Variants in INPP4B observed in about 807,000 individuals in gnomAD.
INPP4B encodes the protein inositol polyphosphate 4-phosphatase type II.
INPP4B carries 55 observed loss-of-function variants against 122.5 expected under a neutral mutation model. That is an observed-to-expected ratio of 0.45 (90% CI 0.36 to 0.56). The LOEUF (loss-of-function observed/expected upper bound fraction) is 0.56, where lower values mean the gene tolerates loss of function less well. Ranked by LOEUF, INPP4B falls within the 20% of genes least tolerant of loss-of-function variation. The pLI is 0.00. For missense variants in INPP4B, 1,000 were observed against 1,097.7 expected (o/e 0.91, Z 1.26); for synonymous variants, 403 against 388.7 (o/e 1.04, Z -0.43).
chr4:142,443,113 C>T (rs879302314), intron 3 of INPP4B, among the ~76,000 whole-genome samples: 34 of 152,100 alleles, frequency 2.2e-4, no homozygotes, highest in Middle Eastern at 3.2e-3. Flanking sequence ...GGGATACAAC[C>T]AAACCATATC....
intron 2 of INPP4B, among the ~76,000 whole-genome samples, chr4:142,567,415 C>T (rs1731855987): frequency 6.6e-6 from 1 of 152,098 alleles, no homozygotes; most frequent in Admixed American, 6.6e-5. Context: ...GTAGTTCCCT[C>T]CCAGTGGGTG....
intron 2 of INPP4B, chr4:142,654,538 A>C (rs545483483): frequency 6.6e-6 from 1 of 152,256 alleles, no homozygotes; most frequent in South Asian, 2.1e-4. Context: ...CTGTGGATCT[A>C]ATTCTGCTAT....
At chr4:142,131,725 G>C (rs1002551605) in intron 18 of INPP4B, among the ~76,000 whole-genome samples, 1 of 152,212 alleles carries the variant, frequency 6.6e-6, no homozygotes, top group Non-Finnish European at 1.5e-5. Flanking sequence ...GGAGGCCAAG[G>C]CAGGCGGATC....
chr4:142,439,897 A>G (rs1811319981), intron 3 of INPP4B, among the ~76,000 whole-genome samples: 1 of 152,216 alleles, frequency 6.6e-6, no homozygotes, highest in African/African-American at 2.4e-5. Flanking sequence ...CACCTCATCC[A>G]TGATGACTTC....
intron 25 of INPP4B, among the ~76,000 whole-genome samples, chr4:142,048,894 A>G (rs1220179062): frequency 1.3e-5 from 2 of 152,098 alleles, no homozygotes; most frequent in African/African-American, 4.8e-5. Flanking sequence ...CAAATAAAAT[A>G]GGACCAGGGT....
intron 5 of INPP4B, among the ~76,000 whole-genome samples, chr4:142,409,828 A>G (rs1804232433): frequency 6.6e-6 from 1 of 152,164 alleles, no homozygotes. Flanking sequence ...GAAATTGCCA[A>G]ATTCTAGTCT....
Position 142,123,337 on chromosome 4 carries a change from T to C in INPP4B, c.1972A>G (p.Thr658Ala), listed in dbSNP as rs751424546. ...TCATATTGTACTATCAACCCCACTG[T>C]GTGAAGCTGCTGTAGGAAGCCTGGG... ...YDPGFLQQLH[T>A]VGLIVQYEGL... is the part of the protein sequence containing the mutation. The change falls in exon 20 of 26, where the codon ACA becomes GCA. Residue 658 changes from threonine (T) to alanine (A), a missense_variant. Coordinates refer to ENST00000262992, the MANE Select transcript of INPP4B (RefSeq NM_001101669.3). 1.9e-6 allele frequency: 3 copies of C among 1,612,952 alleles called. No homozygotes were observed. Among genetic ancestry groups the C allele is most frequent in the African/African-American group, 2.7e-5 (2 of 74,846 alleles).
At chr4:142,474,649 A>T (rs1413058402) in intron 2 of INPP4B, among the ~76,000 whole-genome samples, 1 of 151,620 alleles carries the variant, frequency 6.6e-6, no homozygotes, top group Admixed American at 6.6e-5. Flanking sequence ...AGACTACCCC[A>T]CTGACTCCTG....
chr4:142,254,850 A>T (rs1734788951), intron 11 of INPP4B, among the ~76,000 whole-genome samples: 1 of 152,118 alleles, frequency 6.6e-6, no homozygotes, highest in African/African-American at 2.4e-5. Flanking sequence ...GGAAATACAG[A>T]GAATGCCACA....
At chr4:142,270,092 C>A (rs963074380) in intron 10 of INPP4B, among the ~76,000 whole-genome samples, 8 of 152,096 alleles carry the variant, frequency 5.3e-5, no homozygotes, top group Non-Finnish European at 8.8e-5. Flanking sequence ...ATGCATCAGG[C>A]CTTTATTCTG....
At chr4:142,168,918 C>G (rs1455811506) in intron 16 of INPP4B, among the ~76,000 whole-genome samples, 1 of 151,498 alleles carries the variant, frequency 6.6e-6, no homozygotes, top group African/African-American at 2.4e-5. Flanking sequence ...TTGCTACAGC[C>G]TAGGAACTGC....
At chr4:142,690,166 G>A (rs200067107) in intron 2 of INPP4B, among the ~76,000 whole-genome samples, 2 of 152,086 alleles carry the variant, frequency 1.3e-5, no homozygotes, top group Non-Finnish European at 2.9e-5. Flanking sequence ...GATACCATGC[G>A]GCGTCTTTCA....
At chr4:142,629,983 C>T (rs1270322959) in intron 2 of INPP4B, among the ~76,000 whole-genome samples, 3 of 152,058 alleles carry the variant, frequency 2.0e-5, no homozygotes, top group East Asian at 1.9e-4. Context: ...AGGGCCTACA[C>T]TAAACATTGT....
rs182905723 is a variant in INPP4B at position 142,751,317 on chromosome 4, C to T, written c.-253-25416G>A. Among the ~76,000 whole-genome samples the T allele has an allele frequency of 1.3e-3, 191 of 144,882 alleles. 1 individual carries two copies. The highest frequency in any genetic ancestry group is 4.7e-3 in the African/African-American group (185 of 39,056). ...AAAAAAAAAAAAACAAGCCTGATGA[C>T]GACAATTGACCTCAAGTATGGAGAG... On this transcript the variant is annotated intron_variant, in intron 1 of 25. Coordinates refer to ENST00000262992, the MANE Select transcript of INPP4B (RefSeq NM_001101669.3).
At chr4:142,076,098 C>T (rs527341972) in intron 25 of INPP4B, among the ~76,000 whole-genome samples, 1 of 152,122 alleles carries the variant, frequency 6.6e-6, no homozygotes, top group Admixed American at 6.6e-5. Flanking sequence ...CCTCCACACT[C>T]ACAGGGTCTC....
intron 5 of INPP4B, among the ~76,000 whole-genome samples, chr4:142,409,914 G>C (rs1207093241): frequency 6.6e-6 from 1 of 152,224 alleles, no homozygotes; most frequent in Non-Finnish European, 1.5e-5. Context: ...TCTCACTGGA[G>C]AGTCCAGAGC....
chr4:142,584,380 T>C (rs1413395345), intron 2 of INPP4B, among the ~76,000 whole-genome samples: 1 of 152,190 alleles, frequency 6.6e-6, no homozygotes, highest in African/African-American at 2.4e-5. Flanking sequence ...ATTTTCTTAG[T>C]TCATTTTTCT....
At chr4:142,044,975 T>C (rs1384442973) in intron 25 of INPP4B, among the ~76,000 whole-genome samples, 1 of 152,142 alleles carries the variant, frequency 6.6e-6, no homozygotes, top group Non-Finnish European at 1.5e-5. Context: ...TTTTCCATTT[T>C]GTGACACAAT....
intron 15 of INPP4B, among the ~76,000 whole-genome samples, chr4:142,182,737 T>G (rs1831460045): frequency 6.6e-6 from 1 of 152,030 alleles, no homozygotes; most frequent in African/African-American, 2.4e-5. Flanking sequence ...TTTACCCGGT[T>G]ATAGAAACCA....
Sources: allele counts gnomAD v4.1 joint callset (sites outside exome capture counted in the v4.1 genomes callset), GRCh38; gene constraint gnomAD v4.1.1; transcripts MANE v1.5; gene names NCBI Gene and HGNC (gene_info 2026-07-23, HGNC 2026-07-21).